TRAPPC9: variants seen among roughly 807,000 people sequenced by gnomAD.
The protein encoded by TRAPPC9 is IKK2 binding protein.
In TRAPPC9, 83 loss-of-function variants were observed where a neutral mutation model predicts 124.0. The observed-to-expected ratio is 0.67, with a 90% CI of 0.56 to 0.80. TRAPPC9 has a LOEUF of 0.80. Among genes scored for constraint, TRAPPC9 ranks in the 30% least tolerant of loss-of-function variants. The pLI is 0.00. For synonymous variants in TRAPPC9, 638 were observed against 617.5 expected (o/e 1.03, Z -0.49); for missense variants, 1,302 against 1,508.3 (o/e 0.86, Z 2.27).
intron 14 of TRAPPC9, among the ~76,000 whole-genome samples, chr8:140,281,352 A>G (rs2131694218): frequency 6.6e-6 from 1 of 152,370 alleles, no homozygotes; most frequent in Admixed American, 6.5e-5. Flanking sequence ...GTGCCAGTTC[A>G]GAGACTAATG....
At chr8:140,041,158 AGAC>A (rs1428836184) in intron 17 of TRAPPC9, 1 of 152,226 alleles carries the variant, frequency 6.6e-6, no homozygotes, top group Non-Finnish European at 1.5e-5. Context: ...CCTACCCGCA[AGAC>A]ACTCTGAATC....
chr8:139,915,083 G>A (rs1160507045), intron 19 of TRAPPC9, among the ~76,000 whole-genome samples: 1 of 152,196 alleles, frequency 6.6e-6, no homozygotes, highest in Non-Finnish European at 1.5e-5. Context: ...CAGAACTGAC[G>A]GCGAAGGCAC....
intron 21 of TRAPPC9, among the ~76,000 whole-genome samples, chr8:139,865,708 A>G (rs1409239765): frequency 2.0e-5 from 3 of 152,194 alleles, no homozygotes; most frequent in Non-Finnish European, 2.9e-5. Context: ...TGGGGTCCCA[A>G]GAGAACCCAG....
At chr8:139,859,478 A>G (rs1827998759) in intron 21 of TRAPPC9, among the ~76,000 whole-genome samples, 1 of 152,218 alleles carries the variant, frequency 6.6e-6, no homozygotes, top group Non-Finnish European at 1.5e-5. Context: ...CTGGATGGTA[A>G]CATGTCACAG....
At chr8:140,296,162 A>G (rs529613091) in intron 11 of TRAPPC9, among the ~76,000 whole-genome samples, 41 of 152,378 alleles carry the variant, frequency 2.7e-4, no homozygotes, top group African/African-American at 9.4e-4. Context: ...TAATGCCGGC[A>G]GCATCAGCAT....
At chr8:140,430,363 C>G (rs941673247) in intron 4 of TRAPPC9, among the ~76,000 whole-genome samples, 2 of 152,174 alleles carry the variant, frequency 1.3e-5, no homozygotes, top group Non-Finnish European at 2.9e-5. Flanking sequence ...GTCCTAAGCA[C>G]CACTGACCTC....
chr8:140,138,467 G>A (rs2061337759), intron 17 of TRAPPC9, among the ~76,000 whole-genome samples: 1 of 152,116 alleles, frequency 6.6e-6, no homozygotes, highest in East Asian at 1.9e-4. Flanking sequence ...ACGTCCTAAA[G>A]GCCCTTTCTA....
chr8:140,159,146 C>T (rs1222256393), intron 17 of TRAPPC9, among the ~76,000 whole-genome samples: 2 of 152,222 alleles, frequency 1.3e-5, no homozygotes, highest in Non-Finnish European at 1.5e-5. Context: ...CGCCCGCCGC[C>T]GCCAAGCCTG....
At chr8:140,149,345 T>C (rs12543789) in intron 17 of TRAPPC9, among the ~76,000 whole-genome samples, 108,123 of 152,090 alleles carry the variant, frequency 0.71, 39,002 homozygotes, top group African/African-American at 0.81. Flanking sequence ...CGGGGCCAGG[T>C]GTGGTGGCTC....
At chr8:140,134,441 T>C (rs965433585) in intron 17 of TRAPPC9, among the ~76,000 whole-genome samples, 57 of 152,210 alleles carry the variant, frequency 3.7e-4, no homozygotes, top group African/African-American at 1.3e-3. Context: ...AATTTTTGTG[T>C]TTTTAGTAGA....
intron 17 of TRAPPC9, among the ~76,000 whole-genome samples, chr8:140,166,814 A>G (rs4736147): frequency 0.59 from 89,058 of 151,998 alleles, 26,683 homozygotes; most frequent in East Asian, 0.99. Flanking sequence ...TCCTCATCCA[A>G]TGAAAGAATG....
intron 17 of TRAPPC9, among the ~76,000 whole-genome samples, chr8:140,090,733 G>A (rs1314896762): frequency 6.6e-6 from 1 of 152,248 alleles, no homozygotes; most frequent in Non-Finnish European, 1.5e-5. Flanking sequence ...GATAAGGAGG[G>A]TAAAGAGCTG....
At chr8:140,102,683 GAGA>G (rs2060600487) in intron 17 of TRAPPC9, among the ~76,000 whole-genome samples, 1 of 152,242 alleles carries the variant, frequency 6.6e-6, no homozygotes, top group Admixed American at 6.5e-5. Flanking sequence ...AAGACAGAAG[GAGA>G]AGAGACTGAA....
intron 20 of TRAPPC9, among the ~76,000 whole-genome samples, chr8:139,890,351 T>G (rs566749425): frequency 6.6e-6 from 1 of 152,354 alleles, no homozygotes; most frequent in South Asian, 2.1e-4. Context: ...CAGGGACATT[T>G]GCAGAGGTTG....
intron 21 of TRAPPC9, among the ~76,000 whole-genome samples, chr8:139,752,905 A>ACCAT (rs1331603042): frequency 2.4e-4 from 35 of 145,080 alleles, no homozygotes; most frequent in Middle Eastern, 4.5e-3. Flanking sequence ...CCACCCATCT[A>ACCAT]GCATCCATCC....
chr8:139,794,464 C>T (rs1385152999), intron 21 of TRAPPC9, among the ~76,000 whole-genome samples: 2 of 152,184 alleles, frequency 1.3e-5, no homozygotes, highest in Admixed American at 6.5e-5. Context: ...TCTCGCTTAC[C>T]AAAGGGGAGC....
At chr8:139,797,597 C>A (rs1476899843) in intron 21 of TRAPPC9, among the ~76,000 whole-genome samples, 2 of 152,142 alleles carry the variant, frequency 1.3e-5, no homozygotes, top group African/African-American at 2.4e-5. Flanking sequence ...ACTTCTTGTG[C>A]CCTACCTAGG....
intron 20 of TRAPPC9, among the ~76,000 whole-genome samples, chr8:139,892,578 C>T (rs774956793): frequency 2.0e-5 from 3 of 152,204 alleles, no homozygotes; most frequent in East Asian, 1.9e-4. Flanking sequence ...ACGGGTAACA[C>T]GCACCACAGG....
intron 19 of TRAPPC9, among the ~76,000 whole-genome samples, chr8:139,982,633 G>A (rs922428669): frequency 2.0e-5 from 3 of 152,172 alleles, no homozygotes; most frequent in Non-Finnish European, 4.4e-5. Context: ...CTTAATTACA[G>A]AACTGATGTA....
Sources: gnomAD v4.1 joint callset for allele counts (sites outside exome capture counted in the v4.1 genomes callset) on GRCh38, gnomAD v4.1.1 for gene constraint, MANE v1.5 for transcripts, NCBI Gene and HGNC (gene_info 2026-07-23, HGNC 2026-07-21) for gene names.